Variants in ABCC8 observed in about 807,000 individuals in gnomAD.
ABCC8 encodes the protein ATP-binding cassette sub-family C member 8.
ABCC8 carries 137 observed loss-of-function variants against 188.0 expected under a neutral mutation model. That is an observed-to-expected ratio of 0.73 (90% CI 0.63 to 0.84). The LOEUF is 0.84. Among genes scored for constraint, ABCC8 ranks in the 40% least tolerant of loss-of-function variants. ABCC8 has a pLI of 0.00. For missense variants in ABCC8, 1,750 were observed against 2,072.7 expected, an observed-to-expected ratio of 0.84 and a Z score of 3.02; for synonymous variants, 797 against 846.5, an observed-to-expected ratio of 0.94 and a Z score of 1.01.
chr11:17,463,728 G>A (rs1173770026), intron 3 of ABCC8, 124 bp from the exon 4 acceptor site: 21 of 1,267,502 alleles, frequency 1.7e-5, no homozygotes, highest in South Asian at 2.8e-5. Context: ...GTACATTTCC[G>A]AGTAAGTGGA....
chr11:17,407,094 A>T lies in ABCC8; in HGVS notation c.2956T>A (p.Ser986Thr), dbSNP rs1226486508. 1 of 1,613,644 alleles carries T rather than the reference A, an allele frequency of 6.2e-7. No homozygotes were observed. The highest frequency in any genetic ancestry group is 1.7e-5 in the Admixed American group (1 of 60,028). Reference protein sequence around the residue: ...AAESEEDDNLSSMLHQRAEIP... With the variant: ...AAESEEDDNLTSMLHQRAEIP... ...TCAGCACGCTGGTGCAGCATGGACGACAGGTTGTCATCCTCCTCGCTCTCA... is the reference window on the plus strand; with the variant it reads ...TCAGCACGCTGGTGCAGCATGGACGTCAGGTTGTCATCCTCCTCGCTCTCA... The change falls in exon 25 of 39, where the codon TCG becomes ACG. Residue 986 changes from serine to threonine, a missense_variant. Transcript: ENST00000389817.
At chr11:17,435,881 C>T in intron 10 of ABCC8, 3 of 1,298,002 alleles carry the variant, frequency 2.3e-6, no homozygotes, top group East Asian at 4.6e-5. Context: ...TTCACGCATT[C>T]CAAATAAGAC....
Position 17,428,230 on chromosome 11 carries a change from T to G in ABCC8, c.2040+59A>C, listed in dbSNP as rs533707293. On this transcript the variant is annotated intron_variant, in intron 14 of 38. Coordinates refer to ENST00000389817, the MANE Select transcript of ABCC8 (RefSeq NM_000352.6). ...GCATGCAGCTTTCTGGCTTTCCAGG[T>G]GCTGAGCTCCCTCTGGGAGTTGGTG... The G allele has an allele frequency of 5.6e-6, 9 of 1,610,728 alleles. No individual in the cohort carries two copies. In the African/African-American group the frequency reaches 6.7e-5, roughly 12 times the overall value.
intron 1 of ABCC8, 33 bp downstream of exon 1, chr11:17,476,596 T>C (rs1591933975): frequency 6.2e-7 from 1 of 1,605,892 alleles, no homozygotes; most frequent in Non-Finnish European, 8.5e-7. Flanking sequence ...TGCTCTCCCG[T>C]CCCCTCCTCC....
At chr11:17,419,375 G>C (rs1486629980) in intron 16 of ABCC8, among the ~76,000 whole-genome samples, 1 of 152,214 alleles carries the variant, frequency 6.6e-6, no homozygotes, top group Non-Finnish European at 1.5e-5. Flanking sequence ...GGGTGCAGAG[G>C]CTGCCTTCCA....
chr11:17,411,347 C>T (rs73423033), intron 21 of ABCC8, among the ~76,000 whole-genome samples: 3,394 of 152,300 alleles, frequency 0.022, 139 homozygotes, highest in African/African-American at 0.077. Context: ...GCTTCATAAA[C>T]GTTTACTGAA....
At chr11:17,460,909 G>C in intron 5 of ABCC8, 1 of 767,454 alleles carries the variant, frequency 1.3e-6, no homozygotes, top group South Asian at 1.8e-5. Context: ...GATTGCTCAA[G>C]GTCACACAGC....
chr11:17,453,437 G>T, intron 6 of ABCC8, 154 bp from the exon 7 acceptor site: 1 of 521,278 alleles, frequency 1.9e-6, no homozygotes, highest in Non-Finnish European at 2.5e-6. Context: ...TGAAAAATCA[G>T]ACTGATAAAT....
chr11:17,403,598 C>T (rs189800592), intron 28 of ABCC8, among the ~76,000 whole-genome samples: 6 of 152,292 alleles, frequency 3.9e-5, no homozygotes, highest in Admixed American at 3.9e-4. Context: ...TTTATTATTG[C>T]TAATAAGTAT....
chr11:17,463,359 G>A (rs1847941396), intron 4 of ABCC8, 79 bp downstream of exon 4: 1 of 1,221,976 alleles, frequency 8.2e-7, no homozygotes, highest in Admixed American at 2.0e-5. Context: ...GAGAAGCAGG[G>A]TGGGGGCCTG....
At chr11:17,452,835 G>A (rs550152912) in intron 7 of ABCC8, among the ~76,000 whole-genome samples, 8 of 152,250 alleles carry the variant, frequency 5.3e-5, no homozygotes, top group East Asian at 1.9e-4. Flanking sequence ...AATTAGTGAC[G>A]TCTACCACTT....
chr11:17,407,663 A>G (rs1452024636), intron 23 of ABCC8: 1 of 477,768 alleles, frequency 2.1e-6, no homozygotes, highest in Non-Finnish European at 2.7e-6. Flanking sequence ...CCCTGTGGGG[A>G]ACCACTCTTC....
chr11:17,446,752 C>A (rs1266548836), intron 8 of ABCC8, among the ~76,000 whole-genome samples: 2 of 152,144 alleles, frequency 1.3e-5, no homozygotes, highest in Admixed American at 6.5e-5. Context: ...TAAAAAAGAA[C>A]ATCAGATTCC....
At chr11:17,415,236 C>T (rs1955011846) in intron 18 of ABCC8, 68 bp downstream of exon 18, 1 of 1,565,790 alleles carries the variant, frequency 6.4e-7, no homozygotes. Flanking sequence ...GGTGATGTGG[C>T]TCCCTTGGGC....
At chr11:17,462,361 C>A (rs1161291845) in intron 4 of ABCC8, among the ~76,000 whole-genome samples, 3 of 152,184 alleles carry the variant, frequency 2.0e-5, no homozygotes, top group Non-Finnish European at 4.4e-5. Context: ...CAACTAAAAG[C>A]AGAAGAGTCA....
In ABCC8 at chr11:17,431,108, C is replaced by G. The variant is rs1440589625; in HGVS notation, c.1672-149G>C. 5 of 1,287,984 alleles carry G rather than the reference C, an allele frequency of 3.9e-6. No individual in the cohort carries two copies. The African/African-American group carries it at 7.4e-5, about 19-fold the overall frequency. The allele number at this position is 1,287,984 out of a possible 1,614,324, so 79.8% of individuals were successfully genotyped here. A position where few individuals can be genotyped will look rare whatever the true frequency, so the allele number is the denominator to read the frequency against. On this transcript the variant is annotated intron_variant, in intron 11 of 38. Transcript: ENST00000389817. ...TTTAGTTGGAGACACCTTCATCATC[C>G]CCACAGTCATCTCATGGAAACGTCC...
intron 17 of ABCC8, among the ~76,000 whole-genome samples, chr11:17,416,395 A>G (rs373004795): frequency 3.0e-4 from 45 of 152,070 alleles, no homozygotes; most frequent in African/African-American, 1.1e-3. Context: ...CCTTACAGTC[A>G]TATTTCTTAA....
At chr11:17,475,538 T>C (rs1848714440) in intron 1 of ABCC8, among the ~76,000 whole-genome samples, 1 of 152,230 alleles carries the variant, frequency 6.6e-6, no homozygotes, top group Non-Finnish European at 1.5e-5. Context: ...TACCCCATTA[T>C]ACATACTAAC....
intron 37 of ABCC8, 72 bp from the exon 38 acceptor site, chr11:17,393,831 G>A: frequency 1.2e-6 from 2 of 1,613,698 alleles, no homozygotes; most frequent in Non-Finnish European, 1.7e-6. Flanking sequence ...TGGGGGATGT[G>A]GAGCCCAGGT....
Sources: gnomAD v4.1 joint callset for allele counts (sites outside exome capture counted in the v4.1 genomes callset) on GRCh38, gnomAD v4.1.1 for gene constraint, MANE v1.5 for transcripts, NCBI Gene and HGNC (gene_info 2026-07-23, HGNC 2026-07-21) for gene names.